Variants in THSD4 observed in about 807,000 individuals in gnomAD.
The protein encoded by THSD4 is thrombospondin type 1 domain containing 4.
In THSD4, 69 loss-of-function variants were observed where a neutral mutation model predicts 119.0. That is an observed-to-expected ratio of 0.58 (90% CI 0.48 to 0.71). The LOEUF (loss-of-function observed/expected upper bound fraction) is 0.71. Ranked by LOEUF, THSD4 falls within the 30% of genes least tolerant of loss-of-function variation. The pLI is 0.00. For missense variants in THSD4, 1,393 were observed against 1,391.1 expected (o/e 1.00, Z -0.02); for synonymous variants, 524 against 540.4 (o/e 0.97, Z 0.42).
intron 7 of THSD4, among the ~76,000 whole-genome samples, chr15:71,453,060 G>T (rs1331918352): frequency 2.0e-5 from 3 of 152,200 alleles, no homozygotes; most frequent in Non-Finnish European, 4.4e-5. Flanking sequence ...CAGCGAGAAG[G>T]TGGCTATCTG....
chr15:71,347,794 A>G (rs2045686130), intron 6 of THSD4, among the ~76,000 whole-genome samples: 1 of 152,208 alleles, frequency 6.6e-6, no homozygotes, highest in Non-Finnish European at 1.5e-5. Flanking sequence ...CCATCATCAC[A>G]GAAAGTTCTC....
chr15:71,109,731 GAAA>G (rs10717858), intron 1 of THSD4, among the ~76,000 whole-genome samples: 1 of 132,672 alleles, frequency 7.5e-6, no homozygotes, highest in African/African-American at 2.7e-5. Context: ...CACTAAAAGA[GAAA>G]AAAAAAAAAA....
chr15:71,730,036 C>T (rs2052943837), intron 9 of THSD4: 1 of 152,148 alleles, frequency 6.6e-6, no homozygotes, highest in African/African-American at 2.4e-5. Flanking sequence ...AGACCCATTT[C>T]ATCAGTAGGG....
chr15:71,242,709 C>T lies in THSD4; in HGVS notation c.525C>T (p.Ile175=), dbSNP rs1457394644. 6.2e-7 allele frequency: 1 copy of T among 1,614,182 alleles called. No homozygotes were observed. The highest frequency in any genetic ancestry group is 8.5e-7 in the Non-Finnish European group (1 of 1,180,040). The part of the protein sequence containing the change: ...GKYGYGKAPY[I]LPLQTDTAHT... ...ATGGCTATGGTAAGGCCCCATATAT[C>T]TTACCACTGCAGACAGACACTGCAC... is the stretch of plus-strand genomic sequence containing the variant. Residue 175 remains isoleucine, a synonymous_variant, in exon 5 of 18, where the codon ATC becomes ATT. Transcript: ENST00000261862.
chr15:71,772,255 T>TGGG (rs1567145869), intron 17 of THSD4, among the ~76,000 whole-genome samples: 1 of 152,218 alleles, frequency 6.6e-6, no homozygotes, highest in Non-Finnish European at 1.5e-5. Flanking sequence ...ACATCCTTCC[T>TGGG]ATCCCAGGGA....
rs925103508 is a variant in THSD4, at chr15:71,691,281, T to G, written c.1357+30547T>G. Among the ~76,000 whole-genome samples the G allele has an allele frequency of 6.6e-5, 10 of 152,366 alleles. No homozygotes were observed. In the East Asian group the frequency reaches 1.9e-3, roughly 29 times the overall value. On this transcript the variant is annotated intron_variant, in intron 8 of 17. Transcript: ENST00000261862. ...ATTTCAGACTTCTGACCTCCAGAAC[T>G]GCAAGATAATACATTTATGTTGCTT...
intron 7 of THSD4, among the ~76,000 whole-genome samples, chr15:71,412,390 C>A (rs1466348583): frequency 6.6e-6 from 1 of 152,178 alleles, no homozygotes; most frequent in African/African-American, 2.4e-5. Context: ...TTCAGAGAAT[C>A]CTTGTGGGAT....
chr15:71,302,662 G>A (rs1211399627), intron 6 of THSD4, among the ~76,000 whole-genome samples: 2 of 152,112 alleles, frequency 1.3e-5, no homozygotes, highest in Non-Finnish European at 2.9e-5. Flanking sequence ...ACATGCTCCT[G>A]CCCATGCTTA....
chr15:71,758,187 G>A (rs754802416), intron 15 of THSD4, 112 bp downstream of exon 15: 192 of 1,291,006 alleles, frequency 1.5e-4, no homozygotes, highest in Non-Finnish European at 1.9e-4. Flanking sequence ...TCCCAGCAGT[G>A]CCACTGTCTA....
intron 6 of THSD4, among the ~76,000 whole-genome samples, chr15:71,261,140 T>TAAG (rs1567173554): frequency 6.6e-6 from 1 of 152,090 alleles, no homozygotes; most frequent in Admixed American, 6.6e-5. Context: ...AATTAAGATA[T>TAAG]AAGTTTAGAT....
chr15:71,411,836 G>A lies in THSD4; in HGVS notation c.1152+13G>A, dbSNP rs372729396. Reference sequence around the variant, plus strand: ...TGGGCAGTGCAAGGTAAGTGCCCCCGAACTGGGGTGAATTCTTAAGGTGTT... The same window carrying A: ...TGGGCAGTGCAAGGTAAGTGCCCCCAAACTGGGGTGAATTCTTAAGGTGTT... On this transcript the variant is annotated intron_variant, in intron 7 of 17. Coordinates refer to ENST00000261862, the MANE Select transcript of THSD4 (RefSeq NM_024817.3). The A allele has an allele frequency of 8.7e-6, 14 of 1,613,442 alleles. No individual in the cohort carries two copies. The African/African-American group carries it at 1.3e-4, about 15-fold the overall frequency.
chr15:71,253,011 C>T (rs2044277153), intron 5 of THSD4, among the ~76,000 whole-genome samples: 1 of 152,228 alleles, frequency 6.6e-6, no homozygotes, highest in African/African-American at 2.4e-5. Flanking sequence ...GCCCTCCAGG[C>T]TTGCAGTTTG....
chr15:71,647,229 T>C (rs16955938), intron 7 of THSD4, among the ~76,000 whole-genome samples: 12,994 of 152,300 alleles, frequency 0.085, 825 homozygotes, highest in East Asian at 0.24. Context: ...TGCAGTCTCT[T>C]GGAAGCCATG....
chr15:71,442,317 C>T (rs1260611312), intron 7 of THSD4, among the ~76,000 whole-genome samples: 1 of 151,634 alleles, frequency 6.6e-6, no homozygotes, highest in Non-Finnish European at 1.5e-5. Flanking sequence ...ACCTGTAATC[C>T]CAGCACTTTG....
At chr15:71,256,796 G>A in intron 6 of THSD4, 81 bp downstream of exon 6, 1 of 1,327,768 alleles carries the variant, frequency 7.5e-7, no homozygotes, top group Non-Finnish European at 1.1e-6. Context: ...GATGTTGGAG[G>A]TATTGGTGTG....
At chr15:71,742,283 T>G (rs968895019) in intron 11 of THSD4, among the ~76,000 whole-genome samples, 1 of 152,254 alleles carries the variant, frequency 6.6e-6, no homozygotes, top group Non-Finnish European at 1.5e-5. Context: ...AGGGCCCTGT[T>G]GCTGGCATCC....
intron 7 of THSD4, among the ~76,000 whole-genome samples, chr15:71,615,326 T>A (rs1423612244): frequency 6.6e-6 from 1 of 152,100 alleles, no homozygotes; most frequent in Non-Finnish European, 1.5e-5. Flanking sequence ...GATGGAAGAT[T>A]AAAAATAAAA....
intron 7 of THSD4, among the ~76,000 whole-genome samples, chr15:71,463,421 G>A (rs536836160): frequency 2.6e-5 from 4 of 152,156 alleles, no homozygotes; most frequent in South Asian, 2.1e-4. Flanking sequence ...ACTATCAGTC[G>A]CCCAAATTAT....
intron 6 of THSD4, among the ~76,000 whole-genome samples, chr15:71,323,710 C>T (rs933018912): frequency 1.3e-5 from 2 of 152,134 alleles, no homozygotes; most frequent in Admixed American, 1.3e-4. Flanking sequence ...TTTGGCAGAA[C>T]ACCAGAGTAA....
Sources: allele counts gnomAD v4.1 joint callset (sites outside exome capture counted in the v4.1 genomes callset), GRCh38; gene constraint gnomAD v4.1.1; transcripts MANE v1.5; gene names NCBI Gene and HGNC (gene_info 2026-07-23, HGNC 2026-07-21).